Variants in TARBP1 observed in about 807,000 individuals in gnomAD.
TARBP1 encodes tRNA guanosine 2 -O-methyltransferase TARBP1.
In TARBP1, 144 loss-of-function variants were observed where a neutral mutation model predicts 178.6. The observed-to-expected ratio is 0.81, with a 90% CI of 0.70 to 0.93. The LOEUF is 0.93. TARBP1 is among the 40% of genes least tolerant of loss of function. The probability of loss-of-function intolerance (pLI) is 0.00; values close to 1 mark genes in which losing one functional copy is unlikely to be tolerated. For synonymous variants in TARBP1, 787 were observed against 781.0 expected, an observed-to-expected ratio of 1.01 and a Z score of -0.13; for missense variants, 2,067 against 2,011.7, an observed-to-expected ratio of 1.03 and a Z score of -0.53.
At position 234,430,204 on chromosome 1, in the gene TARBP1, TC is replaced by T; in HGVS notation, c.2491del (p.Asp831ThrfsTer54). 1.2e-6 allele frequency: 2 copies of T among 1,613,974 alleles called. No homozygotes were observed. Among genetic ancestry groups the T allele is most frequent in the Non-Finnish European group, 1.7e-6 (2 of 1,179,990 alleles). On this transcript the variant is annotated frameshift_variant, in exon 15 of 30. Coordinates refer to ENST00000040877, the MANE Select transcript of TARBP1 (RefSeq NM_005646.4). LOFTEE classifies it high-confidence loss of function. ...TTCCAGGGGCCCAGCATGGAGAGAG[TC>T]CAGCTGCAGCTCAGGCTTCTGGTCT... ...AIDQKPELQL[D>X]SLHAGPLESF...
Position 234,478,483 on chromosome 1 carries a change from C to T in TARBP1, c.621G>A (p.Leu207=), listed in dbSNP as rs1051771317. Residue 207 remains leucine (L), a synonymous_variant, in exon 1 of 30, where the codon CTG becomes CTA. Coordinates refer to ENST00000040877, the MANE Select transcript of TARBP1 (RefSeq NM_005646.4). ...CGGCCAGCCCGCCCCACACGGCCCG[C>T]AGCGCCGCCCCGCCACATTGGACCA... ...PVLVQCGGAA[L]RAVWGGLAAP... 2.2e-6 allele frequency: 3 copies of T among 1,381,284 alleles called. No homozygotes were observed. The African/African-American group carries it at 4.6e-5, about 21-fold the overall frequency. 85.6% of individuals were successfully genotyped at this position (1,381,284 alleles called of 1,614,324 possible). A position where few individuals can be genotyped will look rare whatever the true frequency, so the allele number is the denominator to read the frequency against.
chr1:234,412,044 T>A lies in TARBP1; in HGVS notation c.3706-1513A>T, dbSNP rs140717154. ...AGATAAAAATCAAATCAGATTAAAATCCTAACTGTAAGCAGTACTATTTAT... is the reference window on the plus strand; with the variant it reads ...AGATAAAAATCAAATCAGATTAAAAACCTAACTGTAAGCAGTACTATTTAT... On this transcript the variant is annotated intron_variant, in intron 22 of 29. Transcript: ENST00000040877. Among the ~76,000 whole-genome samples the A allele has an allele frequency of 8.6e-3, 1,312 of 152,286 alleles. 19 individuals are homozygous for A. The highest frequency in any genetic ancestry group is 0.029 in the African/African-American group (1,226 of 41,562).
chr1:234,472,329 C>CA (rs1160411119), intron 2 of TARBP1, among the ~76,000 whole-genome samples: 5,405 of 46,014 alleles, frequency 0.12, 1,101 homozygotes, highest in Middle Eastern at 0.21. Flanking sequence ...ACTCTGTCTC[C>CA]AAAAAAAAAA....
intron 8 of TARBP1, among the ~76,000 whole-genome samples, chr1:234,458,665 TA>T (rs1370465570): frequency 6.6e-6 from 1 of 152,170 alleles, no homozygotes; most frequent in Non-Finnish European, 1.5e-5. Flanking sequence ...TGAGGCTTTG[TA>T]AAAAGCACAG....
chr1:234,466,327 C>T (rs565340827), intron 4 of TARBP1, among the ~76,000 whole-genome samples: 1 of 150,214 alleles, frequency 6.7e-6, no homozygotes, highest in African/African-American at 2.4e-5. Context: ...GCCTGGCCAA[C>T]ATGGCAAAAC....
At chr1:234,414,680 T>C (rs1662217712) in intron 22 of TARBP1, among the ~76,000 whole-genome samples, 1 of 151,924 alleles carries the variant, frequency 6.6e-6, no homozygotes, top group African/African-American at 2.4e-5. Context: ...CAAGAGTGGG[T>C]TGGGAAGGAT....
chr1:234,473,766 GATCTAAGA>G (rs749182159), intron 1 of TARBP1, among the ~76,000 whole-genome samples: 2 of 152,144 alleles, frequency 1.3e-5, no homozygotes, highest in Non-Finnish European at 2.9e-5. Flanking sequence ...CATAAATAGG[GATCTAAGA>G]ATCATCAGAC....
chr1:234,406,094 T>TA lies in TARBP1; in HGVS notation c.3797dup (p.Ile1267AsnfsTer19). On this transcript the variant is annotated frameshift_variant, in exon 24 of 30. Coordinates refer to ENST00000040877, the MANE Select transcript of TARBP1 (RefSeq NM_005646.4). LOFTEE classifies it high-confidence loss of function. ...CAACTATAAGGGCTTGCTTCAGAATTAGTTTCTGAAAAGAAAGGCAAAAAA... is the reference window on the plus strand; with the variant it reads ...CAACTATAAGGGCTTGCTTCAGAATTAAGTTTCTGAAAAGAAAGGCAAAAAA... 6.2e-7 allele frequency: 1 copy of TA among 1,612,872 alleles called. No homozygotes were observed. Among genetic ancestry groups the TA allele is most frequent in the South Asian group, 1.1e-5 (1 of 91,014 alleles).
chr1:234,441,137 T>C (rs1034000346), intron 12 of TARBP1, among the ~76,000 whole-genome samples: 5 of 152,192 alleles, frequency 3.3e-5, no homozygotes, highest in African/African-American at 7.2e-5. Flanking sequence ...TGAGCTGAGA[T>C]TGCACCACTG....
At chr1:234,454,967 AGAG>A (rs1379552375) in intron 9 of TARBP1, among the ~76,000 whole-genome samples, 17 of 152,206 alleles carry the variant, frequency 1.1e-4, no homozygotes, top group African/African-American at 3.6e-4. Context: ...CAGAAACAGA[AGAG>A]AAGAATGTGA....
Position 234,433,545 on chromosome 1 carries a change from T to C in TARBP1, c.2259A>G (p.Leu753=). ...NSVSDLDRCH[L]YLMVLTELIN... is the part of the protein sequence containing the mutation. The stretch of plus-strand genomic sequence containing the variant: ...TAAGCTCAGTTAACACCATCAGGTA[T>C]AAATGGCAACGATCCAGATCTGAAA... The change falls in exon 14 of 30, where the codon TTA becomes TTG. Residue 753 remains leucine, a synonymous_variant. Coordinates refer to ENST00000040877, the MANE Select transcript of TARBP1 (RefSeq NM_005646.4). 1.2e-6 allele frequency: 2 copies of C among 1,613,492 alleles called. No homozygotes were observed. The highest frequency in any genetic ancestry group is 1.3e-5 in the African/African-American group (1 of 74,982).
At chr1:234,407,352 T>TTTTTTTTTTTTTTTTTA (rs1184926764) in intron 23 of TARBP1, 1 of 150,514 alleles carries the variant, frequency 6.6e-6, no homozygotes. Context: ...TTTTTTTTTT[T>TTTTTTTTTTTTTTTTTA]TTTGAGATGG....
At chr1:234,409,622 A>G (rs1572234917) in intron 23 of TARBP1, among the ~76,000 whole-genome samples, 1 of 152,354 alleles carries the variant, frequency 6.6e-6, no homozygotes, top group South Asian at 2.1e-4. Flanking sequence ...TTAGAGGAAA[A>G]TGTGGTGTGG....
intron 22 of TARBP1, among the ~76,000 whole-genome samples, chr1:234,410,980 A>G (rs1181726018): frequency 6.6e-6 from 1 of 152,170 alleles, no homozygotes; most frequent in Admixed American, 6.5e-5. Flanking sequence ...GCTGAGGTAG[A>G]AGAATTGCCT....
chr1:234,409,883 C>A (rs551678787), intron 23 of TARBP1, among the ~76,000 whole-genome samples: 1 of 152,186 alleles, frequency 6.6e-6, no homozygotes, highest in African/African-American at 2.4e-5. Context: ...AATTCTTCAA[C>A]GGCTGCCATA....
intron 6 of TARBP1, among the ~76,000 whole-genome samples, chr1:234,463,073 T>C (rs1668052111): frequency 1.3e-5 from 2 of 152,124 alleles, no homozygotes; most frequent in South Asian, 4.1e-4. Context: ...ATCTCCAACC[T>C]GAAGATGGGG....
intron 9 of TARBP1, among the ~76,000 whole-genome samples, chr1:234,457,380 T>C (rs1667390132): frequency 6.6e-6 from 1 of 152,200 alleles, no homozygotes; most frequent in Admixed American, 6.5e-5. Context: ...AACATCGCCA[T>C]TATTCCTAAT....
intron 21 of TARBP1, among the ~76,000 whole-genome samples, chr1:234,418,440 G>C (rs1439076327): frequency 6.6e-6 from 1 of 152,196 alleles, no homozygotes; most frequent in Non-Finnish European, 1.5e-5. Flanking sequence ...CTGGACATCA[G>C]TTCTATCTAT....
intron 5 of TARBP1, among the ~76,000 whole-genome samples, chr1:234,465,447 A>G (rs538261243): frequency 4.1e-4 from 62 of 152,292 alleles, no homozygotes; most frequent in African/African-American, 1.2e-3. Context: ...TCAAGGCAGA[A>G]AAAGGAAACA....
Sources: gnomAD v4.1 joint callset for allele counts (sites outside exome capture counted in the v4.1 genomes callset) on GRCh38, gnomAD v4.1.1 for gene constraint, MANE v1.5 for transcripts, NCBI Gene and HGNC (gene_info 2026-07-23, HGNC 2026-07-21) for gene names.